EPHB2: variants seen among roughly 807,000 people sequenced by gnomAD.
The protein encoded by EPHB2 is EPH receptor B2.
In EPHB2, 18 loss-of-function variants were observed where a neutral mutation model predicts 96.4. That is an observed-to-expected ratio of 0.19 (90% CI 0.13 to 0.28). EPHB2 has a LOEUF of 0.28. Ranked by LOEUF, EPHB2 falls within the 10% of genes least tolerant of loss-of-function variation. EPHB2 has a pLI of 1.00. For synonymous variants in EPHB2, 506 were observed against 534.1 expected (o/e 0.95, Z 0.72); for missense variants, 989 against 1,355.4 (o/e 0.73, Z 4.25).
intron 5 of EPHB2, among the ~76,000 whole-genome samples, chr1:22,876,967 C>T (rs1439947116): frequency 2.6e-5 from 4 of 151,010 alleles, no homozygotes; most frequent in East Asian, 3.9e-4. Flanking sequence ...CCCCCAAGGC[C>T]GCGTGGGACC....
At chr1:22,723,486 T>G (rs974386375) in intron 1 of EPHB2, among the ~76,000 whole-genome samples, 1 of 152,202 alleles carries the variant, frequency 6.6e-6, no homozygotes, top group African/African-American at 2.4e-5. Flanking sequence ...TGACACTGGG[T>G]GCCCCTGGCT....
At chr1:22,851,347 G>A (rs1045940249) in intron 3 of EPHB2, among the ~76,000 whole-genome samples, 20 of 152,208 alleles carry the variant, frequency 1.3e-4, no homozygotes, top group African/African-American at 4.3e-4. Flanking sequence ...GCCTTTGGGC[G>A]ACATGAGCTG....
chr1:22,903,429 C>T (rs893349080), intron 9 of EPHB2, among the ~76,000 whole-genome samples: 11 of 152,196 alleles, frequency 7.2e-5, no homozygotes, highest in African/African-American at 1.7e-4. Flanking sequence ...GTGATCATGG[C>T]GGAATACTCC....
chr1:22,914,183 C>G lies in EPHB2; in HGVS notation c.*613C>G, dbSNP rs1412879208. On this transcript the variant is annotated 3_prime_UTR_variant, in exon 16 of 16. Transcript: ENST00000374630. ...GTCTTTGGAGAGTATTTTAGAAACTCCAATGAAAGACACTGTTTCTCCTGT... is the reference window on the plus strand; with the variant it reads ...GTCTTTGGAGAGTATTTTAGAAACTGCAATGAAAGACACTGTTTCTCCTGT... 3.4e-6 allele frequency: 1 copy of G among 298,036 alleles called. No individual in the cohort carries two copies. The highest frequency in any genetic ancestry group is 2.2e-5 in the African/African-American group (1 of 45,898). The allele number at this position is 298,036 out of a possible 1,614,324, so 18.5% of individuals were successfully genotyped here.
chr1:22,778,499 C>T (rs2148415388), intron 1 of EPHB2, among the ~76,000 whole-genome samples: 1 of 152,296 alleles, frequency 6.6e-6, no homozygotes, highest in African/African-American at 2.4e-5. Context: ...GGGGAGAGAG[C>T]ATGCTTGTGC....
chr1:22,912,193 T>C (rs1640124125), intron 14 of EPHB2, among the ~76,000 whole-genome samples: 1 of 152,220 alleles, frequency 6.6e-6, no homozygotes, highest in Non-Finnish European at 1.5e-5. Context: ...GACTTCCCAG[T>C]TGGCCCCAGC....
At chr1:22,912,916 C>A in intron 15 of EPHB2, 1 of 397,284 alleles carries the variant, frequency 2.5e-6, no homozygotes. Flanking sequence ...AGCTGGCAGC[C>A]GGGCACAGTG....
At chr1:22,793,865 G>A (rs1001153653) in intron 3 of EPHB2, among the ~76,000 whole-genome samples, 8 of 152,134 alleles carry the variant, frequency 5.3e-5, no homozygotes, top group Non-Finnish European at 1.2e-4. Flanking sequence ...AAGTAGCCAA[G>A]CTAGAATTTG....
intron 1 of EPHB2, among the ~76,000 whole-genome samples, chr1:22,736,622 C>T (rs889971693): frequency 6.6e-6 from 1 of 152,318 alleles, no homozygotes; most frequent in Middle Eastern, 3.4e-3. Flanking sequence ...AGCTTCAGCA[C>T]GAGGCCCTTT....
At chr1:22,751,064 A>G (rs1644054900) in intron 1 of EPHB2, among the ~76,000 whole-genome samples, 1 of 152,226 alleles carries the variant, frequency 6.6e-6, no homozygotes, top group Non-Finnish European at 1.5e-5. Context: ...AGCCAATTTA[A>G]AAGTAAAGTG....
intron 5 of EPHB2, among the ~76,000 whole-genome samples, chr1:22,872,529 A>G (rs1307476079): frequency 1.3e-5 from 2 of 152,190 alleles, no homozygotes; most frequent in Admixed American, 1.3e-4. Flanking sequence ...AGTTAAACCT[A>G]CATCAAATTA....
At chr1:22,753,944 C>T (rs552425067) in intron 1 of EPHB2, among the ~76,000 whole-genome samples, 21 of 152,262 alleles carry the variant, frequency 1.4e-4, no homozygotes, top group East Asian at 1.2e-3. Flanking sequence ...GATGAGTCTT[C>T]GTTCACCAAA....
intron 1 of EPHB2, among the ~76,000 whole-genome samples, chr1:22,775,665 G>A (rs924253646): frequency 1.3e-5 from 2 of 152,252 alleles, no homozygotes; most frequent in African/African-American, 4.8e-5. Flanking sequence ...GGGCCATCGG[G>A]CCTCCCCAGC....
At position 22,863,022 on chromosome 1, in the gene EPHB2, T is replaced by A; in HGVS notation, c.812-15T>A. On this transcript the variant is annotated splice_polypyrimidine_tract_variant and intron_variant, in intron 3 of 15. Coordinates refer to ENST00000374630, the MANE Select transcript of EPHB2 (RefSeq NM_017449.5). ...CATCCAGTTTCCTGGTGACTCTCCT[T>A]GTCTTCTCTCTCAGGTTGTCCATCT... 6.2e-7 allele frequency: 1 copy of A among 1,614,156 alleles called. No homozygotes were observed. The highest frequency in any genetic ancestry group is 8.5e-7 in the Non-Finnish European group (1 of 1,180,024).
At chr1:22,890,669 TC>T (rs958589537) in intron 6 of EPHB2, among the ~76,000 whole-genome samples, 3 of 152,154 alleles carry the variant, frequency 2.0e-5, no homozygotes, top group African/African-American at 2.4e-5. Context: ...GAATTGAAGT[TC>T]CCATAATCCC....
intron 3 of EPHB2, among the ~76,000 whole-genome samples, chr1:22,803,464 A>T (rs1644873787): frequency 6.6e-6 from 1 of 151,768 alleles, no homozygotes; most frequent in Admixed American, 6.6e-5. Context: ...AAAATTAGCC[A>T]GGTGTGGTGG....
chr1:22,913,072 A>G lies in EPHB2; in HGVS notation c.2853-390A>G. ...GCCACGCAAGGTGGCATGCACCTGT[A>G]ATGCCAGCTACTCGGGAGGCTGAGG... On this transcript the variant is annotated intron_variant, in intron 15 of 15. Transcript: ENST00000374630. This position sits in a 1 kb window ranked among gnomAD's most constrained non-coding sequence, Gnocchi z 4.1. 2.8e-6 allele frequency: 1 copy of G among 359,826 alleles called. No homozygotes were observed. Among genetic ancestry groups the G allele is most frequent in the Non-Finnish European group, 5.4e-6 (1 of 186,108 alleles). The allele number at this position is 359,826 out of a possible 1,614,324, so 22.3% of individuals were successfully genotyped here. A position where few individuals can be genotyped will look rare whatever the true frequency, so the allele number is the denominator to read the frequency against.
chr1:22,725,255 AAAGGAT>A (rs1219379964), intron 1 of EPHB2, among the ~76,000 whole-genome samples: 1 of 152,066 alleles, frequency 6.6e-6, no homozygotes, highest in Non-Finnish European at 1.5e-5. Flanking sequence ...CTGGATAGAT[AAAGGAT>A]AAGTGCATGG....
intron 3 of EPHB2, among the ~76,000 whole-genome samples, chr1:22,861,217 G>T (rs1638242342): frequency 6.6e-6 from 1 of 152,146 alleles, no homozygotes; most frequent in Admixed American, 6.5e-5. Flanking sequence ...CTTCCCCGAG[G>T]CCACACTGCT....
Sources: allele counts gnomAD v4.1 joint callset (sites outside exome capture counted in the v4.1 genomes callset), GRCh38; gene constraint gnomAD v4.1.1; non-coding constraint Gnocchi (gnomAD v3.1); transcripts MANE v1.5; gene names NCBI Gene and HGNC (gene_info 2026-07-23, HGNC 2026-07-21).